STARD13: variants seen among roughly 807,000 people sequenced by gnomAD.
The protein encoded by STARD13 is StAR related lipid transfer domain containing 13, also known as stAR-related lipid transfer protein 13.
STARD13 carries 62 observed loss-of-function variants against 106.4 expected under a neutral mutation model. The ratio of observed to expected loss-of-function variants is 0.58; its 90% CI spans 0.48 to 0.72. The LOEUF (loss-of-function observed/expected upper bound fraction) is 0.72. Ranked by LOEUF, STARD13 falls within the 30% of genes least tolerant of loss-of-function variation. The pLI is 0.00. For synonymous variants in STARD13, 565 were observed against 553.0 expected, an observed-to-expected ratio of 1.02 and a Z score of -0.31; for missense variants, 1,387 against 1,424.0, an observed-to-expected ratio of 0.97 and a Z score of 0.42.
At chr13:33,502,855 T>C in the STARD13 span, among the ~76,000 whole-genome samples, 1 of 152,246 alleles carries the variant, frequency 6.6e-6, no homozygotes, top group Non-Finnish European at 1.5e-5. Flanking sequence ...TTTTTTGTTG[T>C]GTCTCTGCCA....
chr13:33,115,350 G>T (rs1434506885), intron 8 of STARD13, among the ~76,000 whole-genome samples: 4 of 152,164 alleles, frequency 2.6e-5, no homozygotes. Context: ...CTCACTGCTG[G>T]AAGTCCCTGC....
chr13:33,460,552 C>T, the STARD13 span, among the ~76,000 whole-genome samples: 1 of 151,708 alleles, frequency 6.6e-6, no homozygotes. Context: ...TTTACTTCCT[C>T]CTTTGTCTTG....
the STARD13 span, among the ~76,000 whole-genome samples, chr13:33,584,310 G>A: frequency 2.6e-5 from 4 of 152,104 alleles, no homozygotes; most frequent in African/African-American, 7.2e-5. Flanking sequence ...TTGGCTTCTG[G>A]GGAGGCCTCA....
chr13:33,279,281 C>T (rs1891631311), intron 1 of STARD13, among the ~76,000 whole-genome samples: 2 of 152,186 alleles, frequency 1.3e-5, no homozygotes, highest in South Asian at 4.1e-4. Flanking sequence ...AGACCACTAG[C>T]AGTGACTGTT....
chr13:33,129,203 G>A lies in STARD13; in HGVS notation c.1474C>T (p.His492Tyr). Residue 492 changes from histidine (H) to tyrosine (Y), a missense_variant, in exon 5 of 14, where the codon CAT (histidine) becomes TAT (tyrosine). Physicochemically the swap from His to Tyr is moderately conservative, Grantham distance 83. Coordinates refer to ENST00000336934, the MANE Select transcript of STARD13 (RefSeq NM_178006.4). ...LFPHLDDILQ[H>Y]VNGLQEVVDD... ...ACTACCTCTTGGAGCCCATTGACATGCTGCAGAATGTCATCCAAGTGAGGG... is the reference window on the plus strand; with the variant it reads ...ACTACCTCTTGGAGCCCATTGACATACTGCAGAATGTCATCCAAGTGAGGG... 6.2e-7 allele frequency: 1 copy of A among 1,614,176 alleles called. No homozygotes were observed. Among genetic ancestry groups the A allele is most frequent in the Non-Finnish European group, 8.5e-7 (1 of 1,180,032 alleles).
the STARD13 span, among the ~76,000 whole-genome samples, chr13:33,602,344 G>T: frequency 6.6e-6 from 1 of 152,110 alleles, no homozygotes; most frequent in East Asian, 1.9e-4. Context: ...GCCTGCCTTG[G>T]CCTCCCAAAG....
At chr13:33,672,632 T>C in the STARD13 span, among the ~76,000 whole-genome samples, 2 of 152,246 alleles carry the variant, frequency 1.3e-5, no homozygotes, top group Non-Finnish European at 1.5e-5. Context: ...TGAAGATGAA[T>C]TCATTATACA....
At chr13:33,665,966 C>T in the STARD13 span, among the ~76,000 whole-genome samples, 166 of 152,268 alleles carry the variant, frequency 1.1e-3, no homozygotes, top group African/African-American at 3.8e-3. Context: ...CCATGCTTGA[C>T]CACAGGGACC....
chr13:33,517,313 T>C, the STARD13 span, among the ~76,000 whole-genome samples: 1 of 152,060 alleles, frequency 6.6e-6, no homozygotes, highest in Non-Finnish European at 1.5e-5. Context: ...CAAAGAAGAG[T>C]TCCTTGGCCC....
the STARD13 span, among the ~76,000 whole-genome samples, chr13:33,524,997 G>A: frequency 6.6e-6 from 1 of 151,964 alleles, no homozygotes; most frequent in South Asian, 2.1e-4. Flanking sequence ...ATCACCAAAA[G>A]TGTTTTATTT....
intron 4 of STARD13, among the ~76,000 whole-genome samples, chr13:33,137,771 T>G (rs1242068227): frequency 6.6e-6 from 1 of 152,204 alleles, no homozygotes. Flanking sequence ...CCCTACAGTT[T>G]TAGGACATTC....
At chr13:33,559,754 G>A in the STARD13 span, among the ~76,000 whole-genome samples, 2 of 151,462 alleles carry the variant, frequency 1.3e-5, no homozygotes, top group Non-Finnish European at 2.9e-5. Context: ...CTACTTGGGA[G>A]GTGGAGGCAA....
chr13:33,250,328 C>T (rs980338019), intron 1 of STARD13, among the ~76,000 whole-genome samples: 5 of 152,150 alleles, frequency 3.3e-5, no homozygotes, highest in East Asian at 1.9e-4. Flanking sequence ...AGCTCATTAG[C>T]GCAGAGGAAT....
chr13:33,399,766 A>G, the STARD13 span, among the ~76,000 whole-genome samples: 1 of 151,052 alleles, frequency 6.6e-6, no homozygotes, highest in African/African-American at 2.4e-5. Context: ...TCAATTAAAG[A>G]GAATATATTC....
chr13:33,365,279 A>G, the STARD13 span, among the ~76,000 whole-genome samples: 2 of 152,198 alleles, frequency 1.3e-5, no homozygotes, highest in African/African-American at 4.8e-5. Context: ...TAATAGAGAA[A>G]TCTAGAAAGT....
At chr13:33,316,307 ACTC>A (rs1306047682) in intron 1 of STARD13, among the ~76,000 whole-genome samples, 1 of 151,966 alleles carries the variant, frequency 6.6e-6, no homozygotes, top group East Asian at 1.9e-4. Flanking sequence ...CACAGAAATG[ACTC>A]CTCCTGTTTT....
At chr13:33,443,431 T>C in the STARD13 span, among the ~76,000 whole-genome samples, 3 of 100,386 alleles carry the variant, frequency 3.0e-5, no homozygotes, top group African/African-American at 1.2e-4. Context: ...GTGAATTTCA[T>C]AACAATTAAT....
At chr13:33,447,304 G>C in the STARD13 span, among the ~76,000 whole-genome samples, 1 of 152,326 alleles carries the variant, frequency 6.6e-6, no homozygotes, top group African/African-American at 2.4e-5. Flanking sequence ...TCTTCCACGA[G>C]CTTGTGTGCA....
chr13:33,467,491 C>A, the STARD13 span, among the ~76,000 whole-genome samples: 1 of 152,150 alleles, frequency 6.6e-6, no homozygotes, highest in African/African-American at 2.4e-5. Flanking sequence ...CAGTTCCTAA[C>A]AGGCCATGGA....
Sources: gnomAD v4.1 joint callset for allele counts (sites outside exome capture counted in the v4.1 genomes callset) on GRCh38, gnomAD v4.1.1 for gene constraint, MANE v1.5 for transcripts, NCBI Gene and HGNC (gene_info 2026-07-23, HGNC 2026-07-21) for gene names.